Variants in MLLT1 observed in about 807,000 individuals in gnomAD.
The protein encoded by MLLT1 is MLLT1 super elongation complex subunit, also known as protein ENL.
In MLLT1, 11 loss-of-function variants were observed where a neutral mutation model predicts 55.1. The ratio of observed to expected loss-of-function variants is 0.20; its 90% confidence interval spans 0.13 to 0.33. MLLT1 has a LOEUF of 0.33. Among genes scored for constraint, MLLT1 ranks in the 10% least tolerant of loss-of-function variants. The pLI is 1.00. For synonymous variants in MLLT1, 323 were observed against 320.1 expected, an observed-to-expected ratio of 1.01 and a Z score of -0.10; for missense variants, 536 against 760.6, an observed-to-expected ratio of 0.70 and a Z score of 3.47.
chr19:6,274,906 G>A (rs1330225420), intron 1 of MLLT1, among the ~76,000 whole-genome samples: 1 of 152,222 alleles, frequency 6.6e-6, no homozygotes, highest in Non-Finnish European at 1.5e-5. Flanking sequence ...AGCTGGCAGA[G>A]GGCACTTGGA....
intron 10 of MLLT1, 50 bp downstream of exon 10, chr19:6,213,673 CCCA>C: frequency 1.6e-6 from 1 of 611,748 alleles, no homozygotes; most frequent in Non-Finnish European, 3.1e-6. Context: ...GGCTGCAACT[CCCA>C]CCACCCACCC....
Position 6,210,639 on chromosome 19 carries a change from T to A in MLLT1, c.*2403A>T, listed in dbSNP as rs557886322. On this transcript the variant is annotated 3_prime_UTR_variant, in exon 12 of 12. Coordinates refer to ENST00000252674, the MANE Select transcript of MLLT1 (RefSeq NM_005934.4). This position sits in a 1 kb window ranked among gnomAD's most constrained non-coding sequence, Gnocchi z 4.6. ...TTTGCTTTCCGGCGTCGGTTTACAT[T>A]TTTGTTCAGGAGAGAGCAAAACACA... 4.4e-6 allele frequency: 1 copy of A among 227,916 alleles called. No individual in the cohort carries two copies. The highest frequency in any genetic ancestry group is 2.2e-5 in the African/African-American group (1 of 45,072). The allele number at this position is 227,916 out of a possible 1,614,324, so 14.1% of individuals were successfully genotyped here.
chr19:6,261,419 G>A (rs545444936), intron 3 of MLLT1, among the ~76,000 whole-genome samples: 16 of 152,240 alleles, frequency 1.1e-4, no homozygotes, highest in South Asian at 2.1e-4. Context: ...GCCCGGCACC[G>A]CCAGGTACAA....
intron 5 of MLLT1, among the ~76,000 whole-genome samples, chr19:6,225,330 T>A (rs1001544635): frequency 6.6e-6 from 1 of 152,140 alleles, no homozygotes; most frequent in Non-Finnish European, 1.5e-5. Flanking sequence ...ACCTATCCCA[T>A]CTCTCTGGGC....
At chr19:6,220,385 A>G (rs913338506) in intron 6 of MLLT1, among the ~76,000 whole-genome samples, 1 of 152,210 alleles carries the variant, frequency 6.6e-6, no homozygotes, top group African/African-American at 2.4e-5. Flanking sequence ...GCTAAGCCGC[A>G]TTGCTCAAAA....
chr19:6,217,347 G>A (rs2090855330), intron 7 of MLLT1, among the ~76,000 whole-genome samples: 1 of 152,214 alleles, frequency 6.6e-6, no homozygotes, highest in African/African-American at 2.4e-5. Flanking sequence ...GCCTGGGAGT[G>A]GGTGCTGGGG....
At chr19:6,268,833 A>AAAAAC (rs1381778246) in intron 2 of MLLT1, among the ~76,000 whole-genome samples, 2 of 152,350 alleles carry the variant, frequency 1.3e-5, no homozygotes, top group Admixed American at 6.5e-5. Flanking sequence ...ACGACAAACA[A>AAAAAC]AAAACAAAAC....
rs1189710768 is a variant in MLLT1, at chr19:6,256,321, T to C, written c.276+5907A>G. Among the ~76,000 whole-genome samples the C allele has an allele frequency of 2.0e-5, 3 of 151,952 alleles. No homozygotes were observed. Among genetic ancestry groups the C allele is most frequent in the Admixed American group, 1.3e-4 (2 of 15,262 alleles). On this transcript the variant is annotated intron_variant, in intron 3 of 11. Coordinates refer to ENST00000252674, the MANE Select transcript of MLLT1 (RefSeq NM_005934.4). This position sits in a 1 kb window ranked among gnomAD's most constrained non-coding sequence, Gnocchi z 4.1. Reference sequence around the variant, plus strand: ...CAAAAATAATAAAATTAGCTGGATGTGGTGGTGCAGGCCCGTGGTTCCAGC... The same window carrying C: ...CAAAAATAATAAAATTAGCTGGATGCGGTGGTGCAGGCCCGTGGTTCCAGC...
At position 6,219,298 on chromosome 19, in the gene MLLT1, G is replaced by A. The variant is rs1014283660; in HGVS notation, c.1111-1257C>T. Among the ~76,000 whole-genome samples the A allele has an allele frequency of 6.6e-6, 1 of 152,070 alleles. No individual in the cohort carries two copies. Among genetic ancestry groups the A allele is most frequent in the Non-Finnish European group, 1.5e-5 (1 of 68,010 alleles). The stretch of plus-strand genomic sequence containing the variant: ...CCAGCGCCCCTTCCCACCAACACAT[G>A]GCGCTCCCTGATGAATCATCACTGG... On this transcript the variant is annotated intron_variant, in intron 6 of 11. Coordinates refer to ENST00000252674, the MANE Select transcript of MLLT1 (RefSeq NM_005934.4). This position sits in a 1 kb window ranked among gnomAD's most constrained non-coding sequence, Gnocchi z 4.5.
intron 3 of MLLT1, among the ~76,000 whole-genome samples, chr19:6,241,332 G>A (rs2091111160): frequency 6.6e-6 from 1 of 152,252 alleles, no homozygotes; most frequent in Non-Finnish European, 1.5e-5. Flanking sequence ...CAGGGCGCCA[G>A]GCCCCTAGCA....
chr19:6,215,522 G>T (rs544100720), intron 8 of MLLT1, among the ~76,000 whole-genome samples: 3 of 152,190 alleles, frequency 2.0e-5, no homozygotes, highest in African/African-American at 7.2e-5. Flanking sequence ...TGGGAATCCC[G>T]CCATGTGCCT....
At chr19:6,217,818 G>A in intron 7 of MLLT1, 136 bp downstream of exon 7, 1 of 1,275,450 alleles carries the variant, frequency 7.8e-7, no homozygotes, top group Non-Finnish European at 1.0e-6. Flanking sequence ...ACTCCCCCAG[G>A]CCACCAAAAC....
Position 6,226,924 on chromosome 19 carries a change from A to T in MLLT1, c.546+53T>A. On this transcript the variant is annotated intron_variant, in intron 5 of 11. Coordinates refer to ENST00000252674, the MANE Select transcript of MLLT1 (RefSeq NM_005934.4). The surrounding 1 kb of genome is among the most constrained non-coding windows in gnomAD (Gnocchi z 6.3). ...GAGGGAGGGCGCCGGGGCCAGACCCACCACAGCTGGGCCCCGGCGCTCCCA... is the reference window on the plus strand; with the variant it reads ...GAGGGAGGGCGCCGGGGCCAGACCCTCCACAGCTGGGCCCCGGCGCTCCCA... 6.8e-7 allele frequency: 1 copy of T among 1,476,022 alleles called. No individual in the cohort carries two copies. Among genetic ancestry groups the T allele is most frequent in the South Asian group, 1.4e-5 (1 of 72,536 alleles). 91.4% of individuals were successfully genotyped at this position (1,476,022 alleles called of 1,614,324 possible).
rs112324195 is a variant in MLLT1, at chr19:6,238,969, T to G, written c.277-8256A>C. Among the ~76,000 whole-genome samples the G allele has an allele frequency of 2.7e-3, 408 of 152,348 alleles. 2 individuals carry two copies. The highest frequency in any genetic ancestry group is 9.4e-3 in the African/African-American group (389 of 41,594). The stretch of plus-strand genomic sequence containing the variant: ...CCTTACCCCGCCACGCCTTAGTCAG[T>G]CCACACCAACACTCCAGGAGGGCAT... On this transcript the variant is annotated intron_variant, in intron 3 of 11. Coordinates refer to ENST00000252674, the MANE Select transcript of MLLT1 (RefSeq NM_005934.4).
chr19:6,277,422 CTCAGTAAT>C lies in MLLT1; in HGVS notation c.12+2343_12+2350del, dbSNP rs567854939. Reference sequence around the variant, plus strand: ...GACAGGGTGGTCAGTAGCTCAGTAGCTCAGTAATGGTGGTTACTGAGTGCTTAAAATGT... The same window carrying C: ...GACAGGGTGGTCAGTAGCTCAGTAGCGGTGGTTACTGAGTGCTTAAAATGT... On this transcript the variant is annotated intron_variant, in intron 1 of 11. Coordinates refer to ENST00000252674, the MANE Select transcript of MLLT1 (RefSeq NM_005934.4). Among the ~76,000 whole-genome samples the C allele has an allele frequency of 8.5e-5, 13 of 152,320 alleles. No individual in the cohort carries two copies. The East Asian group carries it at 2.5e-3, about 29-fold the overall frequency.
rs541595606 is a variant in MLLT1 at position 6,233,593 on chromosome 19, G to T, written c.277-2880C>A. On this transcript the variant is annotated intron_variant, in intron 3 of 11. Transcript: ENST00000252674. ...TCCTTCCCAAGTCATAAACAAAACT[G>T]CAGGGACAAAGTTTCTCACCACCTC... is the stretch of plus-strand genomic sequence containing the variant. Among the ~76,000 whole-genome samples the T allele has an allele frequency of 3.9e-5, 6 of 152,318 alleles. 1 individual carries two copies. The highest frequency in any genetic ancestry group is 1.4e-4 in the African/African-American group (6 of 41,580).
chr19:6,267,233 C>T (rs1032859633), intron 2 of MLLT1, among the ~76,000 whole-genome samples: 1 of 152,068 alleles, frequency 6.6e-6, no homozygotes. Flanking sequence ...TCCCGAGTAG[C>T]TGGGACTAAA....
chr19:6,248,169 T>C (rs2091184703), intron 3 of MLLT1, among the ~76,000 whole-genome samples: 1 of 152,230 alleles, frequency 6.6e-6, no homozygotes, highest in South Asian at 2.1e-4. Flanking sequence ...ATTACAAGAA[T>C]GAGCCACTGT....
In MLLT1 at chr19:6,273,850, T is replaced by C. The variant is rs2091413180; in HGVS notation, c.13-3091A>G. 6.6e-6 allele frequency among the ~76,000 whole-genome samples: 1 copy of C among 152,218 alleles called. No individual in the cohort carries two copies. The highest frequency in any genetic ancestry group is 2.4e-5 in the African/African-American group (1 of 41,454). On this transcript the variant is annotated intron_variant, in intron 1 of 11. Coordinates refer to ENST00000252674, the MANE Select transcript of MLLT1 (RefSeq NM_005934.4). This position sits in a 1 kb window ranked among gnomAD's most constrained non-coding sequence, Gnocchi z 4.3. Reference sequence around the variant, plus strand: ...ACCTCGGCCGACTTCCCGGCATTTCTGATGACAGGGAGTTCCTACCCAGGG... The same window carrying C: ...ACCTCGGCCGACTTCCCGGCATTTCCGATGACAGGGAGTTCCTACCCAGGG...
Sources: gnomAD v4.1 joint callset for allele counts (sites outside exome capture counted in the v4.1 genomes callset) on GRCh38, gnomAD v4.1.1 for gene constraint, Gnocchi (gnomAD v3.1) non-coding constraint, MANE v1.5 for transcripts, NCBI Gene and HGNC (gene_info 2026-07-23, HGNC 2026-07-21) for gene names.